PCNX1: variants seen among roughly 807,000 people sequenced by gnomAD.
PCNX1 encodes pecanex 1.
PCNX1 carries 78 observed loss-of-function variants against 242.2 expected under a neutral mutation model. The observed-to-expected ratio is 0.32, with a 90% confidence interval of 0.27 to 0.39. The LOEUF (loss-of-function observed/expected upper bound fraction) is 0.39, where lower values mean the gene tolerates loss of function less well. PCNX1 is among the 10% of genes least tolerant of loss of function. The pLI, the probability that PCNX1 is intolerant of heterozygous loss-of-function variation, is 1.00. For missense variants in PCNX1, 2,581 were observed against 2,856.5 expected (o/e 0.90, Z 2.20); for synonymous variants, 1,024 against 1,032.9 (o/e 0.99, Z 0.17).
chr14:71,072,058 C>G (rs1235814466), intron 26 of PCNX1, among the ~76,000 whole-genome samples: 1 of 152,140 alleles, frequency 6.6e-6, no homozygotes, highest in African/African-American at 2.4e-5. Context: ...TTAAAGATCA[C>G]TGATCACAAA....
intron 25 of PCNX1, 78 bp from the exon 26 acceptor site, chr14:71,057,431 T>C: frequency 1.1e-6 from 1 of 890,374 alleles, no homozygotes; most frequent in Middle Eastern, 3.0e-4. Context: ...TACTAGAAGT[T>C]TTTAATATTT....
intron 8 of PCNX1, among the ~76,000 whole-genome samples, chr14:71,003,794 A>G (rs901196372): frequency 9.9e-5 from 15 of 152,238 alleles, no homozygotes; most frequent in African/African-American, 3.4e-4. Context: ...TTGCCAAGCA[A>G]TAGAGATATC....
intron 2 of PCNX1, among the ~76,000 whole-genome samples, chr14:70,960,503 G>A (rs1032333977): frequency 1.2e-4 from 19 of 152,074 alleles, no homozygotes; most frequent in African/African-American, 3.9e-4. Context: ...ATTAGGTATC[G>A]ATGGGACGTA....
At chr14:71,015,161 G>T (rs1180134566) in intron 11 of PCNX1, among the ~76,000 whole-genome samples, 1 of 152,082 alleles carries the variant, frequency 6.6e-6, no homozygotes, top group African/African-American at 2.4e-5. Context: ...AAAATGGGAA[G>T]AATTCTTATG....
intron 33 of PCNX1, among the ~76,000 whole-genome samples, chr14:71,105,787 C>T (rs952291504): frequency 3.3e-5 from 5 of 151,584 alleles, no homozygotes; most frequent in East Asian, 1.9e-4. Context: ...ATGATCTGCC[C>T]GTCTCGGCCT....
At position 71,051,921 on chromosome 14, in the gene PCNX1, T is replaced by G. The variant is rs766452238; in HGVS notation, c.4486T>G (p.Phe1496Val). ...MLFIQAAVSA[F>V]FSTPLNPFLG... ...GTTTATTCAGGCTGCTGTCTCGGCC[T>G]TCTTCTCTACTCCACTGAACCCCTT... The change falls in exon 24 of 36, where the codon TTC becomes GTC. Residue 1496 changes from phenylalanine (F) to valine (V), a missense_variant. Transcript: ENST00000304743. The G allele has an allele frequency of 2.5e-6, 4 of 1,613,826 alleles. No homozygotes were observed. Among genetic ancestry groups the G allele is most frequent in the Admixed American group, 1.7e-5 (1 of 60,010 alleles).
intron 28 of PCNX1, among the ~76,000 whole-genome samples, chr14:71,081,024 T>C (rs2061840976): frequency 1.3e-5 from 2 of 152,206 alleles, no homozygotes; most frequent in African/African-American, 2.4e-5. Flanking sequence ...ATAGCTCTTA[T>C]TATTTTGAGA....
chr14:71,016,041 A>G (rs57509106), intron 11 of PCNX1, among the ~76,000 whole-genome samples: 4 of 152,176 alleles, frequency 2.6e-5, no homozygotes, highest in Non-Finnish European at 5.9e-5. Flanking sequence ...TAAAATAAAA[A>G]CAAATAGGTT....
chr14:71,047,065 A>G lies in PCNX1; in HGVS notation c.4120A>G (p.Ser1374Gly). ...PLIVLNELSS[S>G]AETIASPKKL... is the part of the protein sequence containing the mutation. Reference sequence around the variant, plus strand: ...GATTGTTCTCAATGAACTGAGCAGCAGTGCAGAGACAATTGCTAGTCCAAA... The same window carrying G: ...GATTGTTCTCAATGAACTGAGCAGCGGTGCAGAGACAATTGCTAGTCCAAA... Residue 1374 changes from serine (S) to glycine (G), a missense_variant, in exon 21 of 36, where the codon AGT (serine) becomes GGT (glycine). Ser to Gly is a moderately conservative substitution (Grantham distance 56, BLOSUM62 0). Coordinates refer to ENST00000304743, the MANE Select transcript of PCNX1 (RefSeq NM_014982.3). 6.2e-7 allele frequency: 1 copy of G among 1,610,914 alleles called. No homozygotes were observed. Among genetic ancestry groups the G allele is most frequent in the Non-Finnish European group, 8.5e-7 (1 of 1,177,840 alleles).
intron 1 of PCNX1, among the ~76,000 whole-genome samples, chr14:70,940,146 T>C (rs1594956863): frequency 6.6e-6 from 1 of 152,272 alleles, no homozygotes; most frequent in East Asian, 1.9e-4. Context: ...GTTAATATTG[T>C]TATGTGTGAT....
chr14:71,033,894 A>G (rs1233198319), intron 17 of PCNX1, 37 bp from the exon 18 acceptor site: 1 of 1,061,892 alleles, frequency 9.4e-7, no homozygotes, highest in African/African-American at 1.8e-5. Flanking sequence ...TTTTCAGATT[A>G]TCTATGTATT....
chr14:70,938,095 C>T (rs990118997), intron 1 of PCNX1, among the ~76,000 whole-genome samples: 1 of 152,158 alleles, frequency 6.6e-6, no homozygotes, highest in African/African-American at 2.4e-5. Flanking sequence ...ATTTGACTTC[C>T]TCTTTTCCTA....
intron 10 of PCNX1, chr14:71,012,380 A>C (rs2059843848): frequency 6.4e-6 from 1 of 157,320 alleles, no homozygotes; most frequent in Non-Finnish European, 1.4e-5. Flanking sequence ...TACAGTTATA[A>C]AATCTTAAGG....
rs527364181 is a variant in PCNX1 at position 71,082,676 on chromosome 14, T to C, written c.5338-5654T>C. Among the ~76,000 whole-genome samples, 14 of 151,240 alleles carry C rather than the reference T, an allele frequency of 9.3e-5. No individual in the cohort carries two copies. In the South Asian group the frequency reaches 2.7e-3, roughly 29 times the overall value. On this transcript the variant is annotated intron_variant, in intron 28 of 35. Transcript: ENST00000304743. Reference sequence around the variant, plus strand: ...CAGAGACTAGGATTGCAACCCCTGCTTTTTTTTTGCTTTCCATTCACTTGG... The same window carrying C: ...CAGAGACTAGGATTGCAACCCCTGCCTTTTTTTTGCTTTCCATTCACTTGG...
chr14:71,062,344 A>AGT (rs986087433), intron 26 of PCNX1, among the ~76,000 whole-genome samples: 44 of 151,798 alleles, frequency 2.9e-4, no homozygotes, highest in Non-Finnish European at 5.4e-4. Context: ...GACCTTGGCT[A>AGT]GTGTGTGTGT....
In PCNX1 at chr14:71,102,020, G is replaced by T; in HGVS notation, c.5620G>T (p.Asp1874Tyr). Residue 1874 changes from aspartate (D) to tyrosine (Y), a missense_variant, in exon 31 of 36, where the codon GAC (aspartate) becomes TAC (tyrosine). Asp to Tyr is a radical substitution (Grantham distance 160). Transcript: ENST00000304743. ...TTTTACTTCTCCAGATGAATATGATGACCCTACTGTGCTCTATGAAGCCAT... is the reference window on the plus strand; with the variant it reads ...TTTTACTTCTCCAGATGAATATGATTACCCTACTGTGCTCTATGAAGCCAT... ...DHFTSPDEYDDPTVLYEAIVS... is the reference protein window; with the variant it reads ...DHFTSPDEYDYPTVLYEAIVS... The T allele has an allele frequency of 6.2e-7, 1 of 1,605,576 alleles. No homozygotes were observed. Among genetic ancestry groups the T allele is most frequent in the South Asian group, 1.1e-5 (1 of 89,798 alleles).
At chr14:71,104,381 A>G (rs973776872) in intron 32 of PCNX1, among the ~76,000 whole-genome samples, 1 of 152,130 alleles carries the variant, frequency 6.6e-6, no homozygotes, top group African/African-American at 2.4e-5. Context: ...AAGTCAGGGG[A>G]GTGTTCAAAG....
At chr14:70,968,056 A>G (rs2058434390) in intron 3 of PCNX1, 142 bp from the exon 4 acceptor site, 1 of 677,464 alleles carries the variant, frequency 1.5e-6, no homozygotes, top group African/African-American at 1.8e-5. Context: ...AGCTTGTCCA[A>G]CAAGTATCTT....
intron 28 of PCNX1, among the ~76,000 whole-genome samples, chr14:71,082,144 C>T (rs2061869839): frequency 2.0e-5 from 3 of 152,254 alleles, no homozygotes; most frequent in Non-Finnish European, 2.9e-5. Flanking sequence ...GCAGGTTTTT[C>T]AGTTTCCGTG....
Sources: allele counts gnomAD v4.1 joint callset (sites outside exome capture counted in the v4.1 genomes callset), GRCh38; gene constraint gnomAD v4.1.1; transcripts MANE v1.5; gene names NCBI Gene and HGNC (gene_info 2026-07-23, HGNC 2026-07-21).